Variants in PHF20L1 observed in about 807,000 individuals in gnomAD.
PHF20L1 encodes the protein PHD finger protein 20 like 1.
PHF20L1 carries 44 observed loss-of-function variants against 125.5 expected under a neutral mutation model. That is an observed-to-expected ratio of 0.35 (90% CI 0.28 to 0.45). The LOEUF is 0.45. PHF20L1 is among the 20% of genes least tolerant of loss of function. The pLI is 1.00. For missense variants in PHF20L1, 1,012 were observed against 1,217.2 expected, an observed-to-expected ratio of 0.83 and a Z score of 2.51; for synonymous variants, 380 against 403.1, an observed-to-expected ratio of 0.94 and a Z score of 0.69.
At position 132,825,369 on chromosome 8, in the gene PHF20L1, A is replaced by T. The variant is rs771267278; in HGVS notation, c.1742A>T (p.His581Leu). The stretch of plus-strand genomic sequence containing the variant: ...AAAAAGAAAAAGAAATCTAAGCAAC[A>T]TGGTAAGTACACTGAGATGATTATT... Reference protein sequence around the residue: ...KKKKKKKSKQHDYSDYEDSSL... With the variant: ...KKKKKKKSKQLDYSDYEDSSL... The change falls in exon 14 of 21, where the codon CAT (histidine) becomes CTT (leucine). Residue 581 changes from histidine to leucine, a missense_variant and splice_region_variant. Around this residue, in one of 7 missense-constraint regions of PHF20L1, gnomAD observed 320 missense variants for 293.8 expected, o/e 1.09. Coordinates refer to ENST00000395386, the MANE Select transcript of PHF20L1 (RefSeq NM_016018.5). 6.3e-5 allele frequency: 95 copies of T among 1,496,200 alleles called. No homozygotes were observed. The highest frequency in any genetic ancestry group is 1.8e-4 in the Middle Eastern group (1 of 5,610). The allele number at this position is 1,496,200 out of a possible 1,614,324, so 92.7% of individuals were successfully genotyped here.
intron 12 of PHF20L1, among the ~76,000 whole-genome samples, chr8:132,820,701 A>G (rs1298555122): frequency 2.6e-5 from 4 of 151,934 alleles, no homozygotes; most frequent in African/African-American, 9.7e-5. Flanking sequence ...TTGGCTCTAC[A>G]ATGTTGATGT....
chr8:132,806,067 A>G (rs543002403), intron 8 of PHF20L1, among the ~76,000 whole-genome samples: 7 of 151,970 alleles, frequency 4.6e-5, no homozygotes, highest in Non-Finnish European at 1.0e-4. Flanking sequence ...CTGTGATACA[A>G]AGATTGAAAC....
intron 14 of PHF20L1, among the ~76,000 whole-genome samples, chr8:132,827,697 C>A (rs539680224): frequency 6.6e-6 from 1 of 152,064 alleles, no homozygotes; most frequent in South Asian, 2.1e-4. Context: ...AAAAACCTCA[C>A]CTTAGAATTG....
intron 8 of PHF20L1, among the ~76,000 whole-genome samples, chr8:132,805,533 C>G (rs1276871585): frequency 6.6e-6 from 1 of 151,934 alleles, no homozygotes; most frequent in African/African-American, 2.4e-5. Flanking sequence ...TAAATACTTT[C>G]ATGATTTAGT....
intron 2 of PHF20L1, among the ~76,000 whole-genome samples, chr8:132,782,772 C>G (rs990315522): frequency 1.4e-5 from 2 of 141,952 alleles, no homozygotes; most frequent in Non-Finnish European, 3.1e-5. Context: ...TTTTCTTTTT[C>G]TTTTTTTTTT....
At chr8:132,798,641 C>T in intron 4 of PHF20L1, 131 bp from the exon 5 acceptor site, 1 of 549,368 alleles carries the variant, frequency 1.8e-6, no homozygotes, top group Non-Finnish European at 3.2e-6. Context: ...TGATGGAGTC[C>T]TTAACAGGAG....
chr8:132,778,523 C>A (rs1830074043), intron 2 of PHF20L1, among the ~76,000 whole-genome samples: 1 of 152,172 alleles, frequency 6.6e-6, no homozygotes, highest in South Asian at 2.1e-4. Flanking sequence ...TCCCCCTATT[C>A]TGGCCATTGT....
chr8:132,790,603 A>T (rs1831575961), intron 2 of PHF20L1, among the ~76,000 whole-genome samples: 1 of 152,188 alleles, frequency 6.6e-6, no homozygotes, highest in Non-Finnish European at 1.5e-5. Context: ...AGCCAAAAGG[A>T]CTGTTACTCT....
At chr8:132,824,813 T>C in intron 13 of PHF20L1, 1 of 209,712 alleles carries the variant, frequency 4.8e-6, no homozygotes, top group East Asian at 9.5e-5. Context: ...GAGTTGTTTA[T>C]GAATTGATTT....
intron 12 of PHF20L1, 155 bp downstream of exon 12, chr8:132,817,700 G>T: frequency 1.7e-6 from 1 of 601,478 alleles, no homozygotes; most frequent in Non-Finnish European, 2.9e-6. Context: ...TTTCATCTCC[G>T]TTTTAAAGGT....
At chr8:132,781,951 A>G (rs1375446883) in intron 2 of PHF20L1, among the ~76,000 whole-genome samples, 1 of 152,204 alleles carries the variant, frequency 6.6e-6, no homozygotes, top group African/African-American at 2.4e-5. Context: ...TAAAAATATT[A>G]TAGCTTTACA....
intron 18 of PHF20L1, 21 bp from the exon 19 acceptor site, chr8:132,842,494 T>A (rs1204765110): frequency 6.4e-7 from 1 of 1,554,948 alleles, no homozygotes. Context: ...TGAACTGCTG[T>A]TTTTCCAACT....
At chr8:132,820,673 T>A (rs1835479942) in intron 12 of PHF20L1, among the ~76,000 whole-genome samples, 2 of 151,982 alleles carry the variant, frequency 1.3e-5, no homozygotes, top group Non-Finnish European at 2.9e-5. Flanking sequence ...TTATAGTAGA[T>A]GATGTCTGTG....
At chr8:132,839,850 A>C (rs918672763) in intron 18 of PHF20L1, among the ~76,000 whole-genome samples, 1 of 152,134 alleles carries the variant, frequency 6.6e-6, no homozygotes, top group African/African-American at 2.4e-5. Flanking sequence ...ACTGTTTTGT[A>C]TGCTTACCGT....
intron 19 of PHF20L1, chr8:132,843,540 A>C: frequency 4.1e-6 from 4 of 984,486 alleles, no homozygotes; most frequent in East Asian, 1.1e-4. Flanking sequence ...GTTTGTGGTA[A>C]GTTATTTTGT....
intron 19 of PHF20L1, 155 bp from the exon 20 acceptor site, chr8:132,844,001 T>C: frequency 1.0e-6 from 1 of 985,216 alleles, no homozygotes; most frequent in African/African-American, 1.7e-5. Flanking sequence ...CAGCTGGAAT[T>C]TGGTTATGTA....
chr8:132,844,342 A>C, intron 20 of PHF20L1, 24 bp downstream of exon 20: 1 of 1,559,094 alleles, frequency 6.4e-7, no homozygotes, highest in South Asian at 1.1e-5. Context: ...GAACTAAAAT[A>C]CAGTTACTAT....
At chr8:132,828,047 A>G (rs1351279779) in intron 14 of PHF20L1, among the ~76,000 whole-genome samples, 1 of 152,060 alleles carries the variant, frequency 6.6e-6, no homozygotes, top group Non-Finnish European at 1.5e-5. Context: ...TTAAGTGGGA[A>G]ATACAGGATT....
intron 12 of PHF20L1, among the ~76,000 whole-genome samples, chr8:132,819,773 G>A (rs1448395829): frequency 4.6e-5 from 7 of 151,756 alleles, no homozygotes; most frequent in African/African-American, 1.7e-4. Context: ...TTTTCTTACT[G>A]TTGAATTTTA....
Sources: gnomAD v4.1 joint callset for allele counts (sites outside exome capture counted in the v4.1 genomes callset) on GRCh38, gnomAD v4.1.1 for gene constraint, gnomAD v4.1.1 regional missense constraint, MANE v1.5 for transcripts, NCBI Gene and HGNC (gene_info 2026-07-23, HGNC 2026-07-21) for gene names.